Variants in HS3ST3B1 observed in about 807,000 individuals in gnomAD.
The protein encoded by HS3ST3B1 is heparan sulfate glucosamine 3-O-sulfotransferase 3B1.
Under a neutral mutation model 21.3 loss-of-function variants are expected in HS3ST3B1, and 13 were observed. The ratio of observed to expected loss-of-function variants is 0.61; its 90% CI spans 0.40 to 0.97. HS3ST3B1 has a LOEUF of 0.97. Among genes scored for constraint, HS3ST3B1 ranks in the 50% least tolerant of loss-of-function variants. HS3ST3B1 has a pLI of 0.00. For missense variants in HS3ST3B1, 459 were observed against 554.8 expected (o/e 0.83, Z 1.73); for synonymous variants, 234 against 254.8 (o/e 0.92, Z 0.78).
At chr17:14,337,949 T>C (rs1468126825) in intron 1 of HS3ST3B1, among the ~76,000 whole-genome samples, 1 of 151,740 alleles carries the variant, frequency 6.6e-6, no homozygotes, top group Non-Finnish European at 1.5e-5. Flanking sequence ...TGCCACAGCA[T>C]AATGGTTTCC....
chr17:14,315,448 G>C (rs1482086084), intron 1 of HS3ST3B1, among the ~76,000 whole-genome samples: 1 of 152,184 alleles, frequency 6.6e-6, no homozygotes, highest in Admixed American at 6.5e-5. Flanking sequence ...CTCAGGTTTT[G>C]CATGTATCTC....
intron 1 of HS3ST3B1, among the ~76,000 whole-genome samples, chr17:14,313,120 ATATG>A (rs908616931): frequency 6.8e-6 from 1 of 147,954 alleles, no homozygotes; most frequent in Non-Finnish European, 1.5e-5. Flanking sequence ...ATATATATAT[ATATG>A]TGTGTGTGTG....
chr17:14,326,568 T>A (rs1229241373), intron 1 of HS3ST3B1, among the ~76,000 whole-genome samples: 2 of 152,136 alleles, frequency 1.3e-5, no homozygotes, highest in African/African-American at 4.8e-5. Flanking sequence ...TGAGTAGGCT[T>A]TGTTCATGTT....
intron 1 of HS3ST3B1, among the ~76,000 whole-genome samples, chr17:14,309,804 C>G (rs1909249667): frequency 6.6e-6 from 1 of 152,230 alleles, no homozygotes; most frequent in African/African-American, 2.4e-5. Context: ...GACCGTCTCG[C>G]CTTCTGCAGC....
Position 14,303,325 on chromosome 17 carries a change from G to A in HS3ST3B1, c.554+1253G>A, listed in dbSNP as rs1183861953. On this transcript the variant is annotated intron_variant, in intron 1 of 1. Coordinates refer to ENST00000360954, the MANE Select transcript of HS3ST3B1 (RefSeq NM_006041.3). This position sits in a 1 kb window ranked among gnomAD's most constrained non-coding sequence, Gnocchi z 5.7. ...CTCTCCCTGTGCCCACCCCACTGTC[G>A]GGACCTGGGTGGGTTGGAGAATAAA... 2.0e-5 allele frequency among the ~76,000 whole-genome samples: 3 copies of A among 152,174 alleles called. No individual in the cohort carries two copies. Among genetic ancestry groups the A allele is most frequent in the African/African-American group, 7.2e-5 (3 of 41,442 alleles).
chr17:14,336,759 G>C (rs539492774), intron 1 of HS3ST3B1, among the ~76,000 whole-genome samples: 38 of 152,298 alleles, frequency 2.5e-4, no homozygotes, highest in Admixed American at 1.6e-3. Flanking sequence ...AGGAATTTAT[G>C]CCATTAATTC....
chr17:14,310,226 A>G (rs1909264301), intron 1 of HS3ST3B1, among the ~76,000 whole-genome samples: 2 of 152,196 alleles, frequency 1.3e-5, no homozygotes, highest in Non-Finnish European at 2.9e-5. Flanking sequence ...ACCTGGACTC[A>G]GACCGAGTGG....
intron 1 of HS3ST3B1, chr17:14,328,377 T>G: frequency 6.6e-6 from 1 of 152,208 alleles, no homozygotes; most frequent in Non-Finnish European, 1.5e-5. Flanking sequence ...GTAGGGAGGT[T>G]GGGCTTACTT....
chr17:14,344,635 A>G (rs1314622351), intron 1 of HS3ST3B1, among the ~76,000 whole-genome samples: 2 of 152,096 alleles, frequency 1.3e-5, no homozygotes, highest in Non-Finnish European at 2.9e-5. Context: ...TGGACAGTGA[A>G]ATCTCTGGGA....
intron 1 of HS3ST3B1, among the ~76,000 whole-genome samples, chr17:14,331,442 T>C (rs1020133260): frequency 3.3e-5 from 5 of 152,142 alleles, no homozygotes; most frequent in African/African-American, 1.2e-4. Context: ...CCCCTTATGG[T>C]ATTCAAGGGC....
rs1190974301 is a variant in HS3ST3B1 at position 14,337,746 on chromosome 17, C to CA, written c.555-7281dup. ...TACAGGCAGCTGAGCGTGTGACCTTCACTCCTCTAGCCATGACTCAAATAG... is the reference window on the plus strand; with the variant it reads ...TACAGGCAGCTGAGCGTGTGACCTTCAACTCCTCTAGCCATGACTCAAATAG... On this transcript the variant is annotated intron_variant, in intron 1 of 1. Transcript: ENST00000360954. Among the ~76,000 whole-genome samples the CA allele has an allele frequency of 3.3e-5, 5 of 151,752 alleles. 1 individual carries two copies. Among genetic ancestry groups the CA allele is most frequent in the African/African-American group, 1.2e-4 (5 of 41,094 alleles).
intron 1 of HS3ST3B1, among the ~76,000 whole-genome samples, chr17:14,317,768 T>C (rs1003868982): frequency 2.0e-5 from 3 of 152,094 alleles, no homozygotes; most frequent in African/African-American, 7.2e-5. Context: ...AAGAGAGGGC[T>C]TTTATCCTAC....
At position 14,301,131 on chromosome 17, in the gene HS3ST3B1, T is replaced by TCCTGGGC; in HGVS notation, c.-387_-386insCTGGGCC. 1 of 200,350 alleles carries TCCTGGGC rather than the reference T, an allele frequency of 5.0e-6. No homozygotes were observed. Among genetic ancestry groups the TCCTGGGC allele is most frequent in the Non-Finnish European group, 1.0e-5 (1 of 100,480 alleles). The allele number at this position is 200,350 out of a possible 1,614,324, so 12.4% of individuals were successfully genotyped here. ...GGGAAGTGCCGGGGCTGCTCGAGGC[T>TCCTGGGC]CAGTTCTTAGGACTGCAAGGAGGCA... On this transcript the variant is annotated 5_prime_UTR_variant, in exon 1 of 2. Transcript: ENST00000360954.
At chr17:14,315,171 A>G (rs1909457916) in intron 1 of HS3ST3B1, among the ~76,000 whole-genome samples, 1 of 152,166 alleles carries the variant, frequency 6.6e-6, no homozygotes, top group Non-Finnish European at 1.5e-5. Flanking sequence ...TTCTGGTGTC[A>G]GCAGAATACC....
chr17:14,310,065 C>A (rs1909258915), intron 1 of HS3ST3B1, among the ~76,000 whole-genome samples: 1 of 152,192 alleles, frequency 6.6e-6, no homozygotes, highest in Non-Finnish European at 1.5e-5. Flanking sequence ...TAAGGCGATT[C>A]CGCAGATTCA....
intron 1 of HS3ST3B1, among the ~76,000 whole-genome samples, chr17:14,315,861 G>C (rs1304482882): frequency 1.3e-5 from 2 of 151,520 alleles, no homozygotes; most frequent in East Asian, 3.9e-4. Flanking sequence ...TAGAAAAAAA[G>C]AGTTCCATGT....
intron 1 of HS3ST3B1, among the ~76,000 whole-genome samples, chr17:14,305,746 C>T (rs922807706): frequency 9.2e-5 from 14 of 151,526 alleles, no homozygotes; most frequent in African/African-American, 3.4e-4. Context: ...GTATACCGTA[C>T]GTGTGTGTGT....
At chr17:14,302,715 A>G (rs1405869958) in intron 1 of HS3ST3B1, among the ~76,000 whole-genome samples, 1 of 151,756 alleles carries the variant, frequency 6.6e-6, no homozygotes, top group Non-Finnish European at 1.5e-5. Context: ...CGGCGCGCGG[A>G]GCGTGGAGCT....
chr17:14,301,551 C>T lies in HS3ST3B1; in HGVS notation c.33C>T (p.Cys11=), dbSNP rs201721482. The change falls in exon 1 of 2, where the codon TGC becomes TGT. Residue 11 remains cysteine, a synonymous_variant. Transcript: ENST00000360954. MGQRLSGGRS[C]LDVPGRLLPQ... ...AGCGCCTGAGTGGCGGCAGATCTTG[C>T]CTCGATGTCCCCGGCCGGCTCCTAC... 4,503 of 1,584,494 alleles carry T rather than the reference C, an allele frequency of 2.8e-3. 15 individuals are homozygous for T. Among genetic ancestry groups the T allele is most frequent in the Non-Finnish European group, 3.6e-3 (4,230 of 1,173,256 alleles).
Sources: allele counts gnomAD v4.1 joint callset (sites outside exome capture counted in the v4.1 genomes callset), GRCh38; gene constraint gnomAD v4.1.1; non-coding constraint Gnocchi (gnomAD v3.1); transcripts MANE v1.5; gene names NCBI Gene and HGNC (gene_info 2026-07-23, HGNC 2026-07-21).